Variants in RPS6KC1 observed in about 807,000 individuals in gnomAD.
RPS6KC1 encodes ribosomal protein S6 kinase C1.
A neutral mutation model predicts 103.8 loss-of-function variants in RPS6KC1; 54 were observed. The ratio of observed to expected loss-of-function variants is 0.52; its 90% CI spans 0.42 to 0.65. The LOEUF is 0.65. RPS6KC1 is among the 30% of genes least tolerant of loss of function. The pLI is 0.00. For synonymous variants in RPS6KC1, 439 were observed against 438.7 expected (o/e 1.00, Z -0.01); for missense variants, 1,151 against 1,253.8 (o/e 0.92, Z 1.24).
chr1:213,152,595 C>G (rs1343012551), intron 6 of RPS6KC1, among the ~76,000 whole-genome samples: 3 of 148,828 alleles, frequency 2.0e-5, no homozygotes, highest in Non-Finnish European at 4.5e-5. Flanking sequence ...TCCTCACATC[C>G]CAGACGGGGC....
chr1:213,570,456 C>T, the RPS6KC1 span, among the ~76,000 whole-genome samples: 1 of 152,180 alleles, frequency 6.6e-6, no homozygotes, highest in African/African-American at 2.4e-5. Context: ...CCCATTTCCT[C>T]ATGGTTCCTG....
At chr1:213,637,215 G>C in the RPS6KC1 span, among the ~76,000 whole-genome samples, 4 of 152,222 alleles carry the variant, frequency 2.6e-5, no homozygotes, top group East Asian at 7.7e-4. Flanking sequence ...AATTCCTCAA[G>C]GATCTAGAAC....
chr1:213,816,975 AG>A, the RPS6KC1 span, among the ~76,000 whole-genome samples: 2 of 152,206 alleles, frequency 1.3e-5, no homozygotes, highest in African/African-American at 4.8e-5. Context: ...GTCTGGATCT[AG>A]AAGGGAAGAC....
At chr1:213,412,822 A>G in the RPS6KC1 span, among the ~76,000 whole-genome samples, 2 of 152,112 alleles carry the variant, frequency 1.3e-5, no homozygotes. Flanking sequence ...TGAGCTTCCC[A>G]TGTTCCTTCC....
chr1:213,825,180 T>A, the RPS6KC1 span, among the ~76,000 whole-genome samples: 1 of 152,232 alleles, frequency 6.6e-6, no homozygotes, highest in Non-Finnish European at 1.5e-5. Context: ...ATGCTTCACA[T>A]CTACCCCACC....
intron 1 of RPS6KC1, among the ~76,000 whole-genome samples, chr1:213,052,989 A>G (rs1442579572): frequency 2.6e-5 from 4 of 152,200 alleles, no homozygotes; most frequent in Non-Finnish European, 4.4e-5. Context: ...CTGACCTGCT[A>G]TTGCCGATTG....
intron 8 of RPS6KC1, among the ~76,000 whole-genome samples, chr1:213,224,531 A>G (rs1179769878): frequency 6.6e-6 from 1 of 152,238 alleles, no homozygotes; most frequent in Non-Finnish European, 1.5e-5. Context: ...AAGGTATGCT[A>G]TCCAAGGTAA....
chr1:213,336,038 A>G, the RPS6KC1 span, among the ~76,000 whole-genome samples: 4 of 152,244 alleles, frequency 2.6e-5, no homozygotes, highest in South Asian at 2.1e-4. Flanking sequence ...ATTCAAAGTT[A>G]TAGCATTTTC....
At chr1:213,606,041 G>T in the RPS6KC1 span, among the ~76,000 whole-genome samples, 2 of 152,318 alleles carry the variant, frequency 1.3e-5, no homozygotes, top group Middle Eastern at 3.4e-3. Context: ...GCTCAGGGAG[G>T]ACGGTGGCAG....
chr1:213,581,049 A>G, the RPS6KC1 span, among the ~76,000 whole-genome samples: 2 of 152,024 alleles, frequency 1.3e-5, no homozygotes, highest in Non-Finnish European at 2.9e-5. Flanking sequence ...AAATGTTGGT[A>G]CCAACTGGAG....
At chr1:213,411,691 C>T in the RPS6KC1 span, among the ~76,000 whole-genome samples, 2 of 152,108 alleles carry the variant, frequency 1.3e-5, no homozygotes, top group Non-Finnish European at 2.9e-5. Flanking sequence ...CACAGCTGGA[C>T]AGTGCTGTGG....
chr1:213,191,131 G>A (rs1489808432), intron 8 of RPS6KC1, among the ~76,000 whole-genome samples: 2 of 152,008 alleles, frequency 1.3e-5, no homozygotes, highest in African/African-American at 4.8e-5. Flanking sequence ...GCTATTCTGG[G>A]TCTTTGTGGT....
chr1:213,412,873 C>G, the RPS6KC1 span, among the ~76,000 whole-genome samples: 1 of 152,352 alleles, frequency 6.6e-6, no homozygotes, highest in South Asian at 2.1e-4. Context: ...GTTCTGTTGA[C>G]AGCTGAGAAA....
At chr1:213,072,014 A>G (rs1267864986) in intron 2 of RPS6KC1, among the ~76,000 whole-genome samples, 7 of 151,812 alleles carry the variant, frequency 4.6e-5, no homozygotes, top group Non-Finnish European at 1.0e-4. Context: ...TTCTTGATTT[A>G]TTTTCATTTT....
At chr1:213,317,738 C>G in the RPS6KC1 span, among the ~76,000 whole-genome samples, 1 of 152,100 alleles carries the variant, frequency 6.6e-6, no homozygotes, top group South Asian at 2.1e-4. Flanking sequence ...TAGGAGAAAC[C>G]CAGCAGTCAC....
chr1:213,438,479 G>T, the RPS6KC1 span, among the ~76,000 whole-genome samples: 6 of 152,176 alleles, frequency 3.9e-5, no homozygotes, highest in African/African-American at 1.4e-4. Context: ...AATTGAGATG[G>T]TTCAAGTCAG....
the RPS6KC1 span, among the ~76,000 whole-genome samples, chr1:213,374,011 G>A: frequency 1.3e-5 from 2 of 152,138 alleles, no homozygotes; most frequent in Non-Finnish European, 2.9e-5. Context: ...GTAATATAGG[G>A]AATAAGAGTG....
chr1:213,602,187 T>TTTCTTTC, the RPS6KC1 span, among the ~76,000 whole-genome samples: 25 of 99,160 alleles, frequency 2.5e-4, no homozygotes, highest in African/African-American at 1.0e-3. Flanking sequence ...TCTTTCTTTC[T>TTTCTTTC]TTTTCCCTCC....
At chr1:213,300,057 G>C in the RPS6KC1 span, among the ~76,000 whole-genome samples, 3 of 151,996 alleles carry the variant, frequency 2.0e-5, no homozygotes, top group East Asian at 5.8e-4. Context: ...TGCCTGCCTC[G>C]GCCTCCCAAA....
Sources: allele counts gnomAD v4.1 joint callset (sites outside exome capture counted in the v4.1 genomes callset), GRCh38; gene constraint gnomAD v4.1.1; transcripts MANE v1.5; gene names NCBI Gene and HGNC (gene_info 2026-07-23, HGNC 2026-07-21).